Variants in NEDD4L observed in about 807,000 individuals in gnomAD.
NEDD4L encodes the protein NEDD4 like E3 ubiquitin protein ligase.
In NEDD4L, 54 loss-of-function variants were observed where a neutral mutation model predicts 148.9. That is an observed-to-expected ratio of 0.36 (90% CI 0.29 to 0.45). The LOEUF (loss-of-function observed/expected upper bound fraction) is 0.45, where lower values mean the gene tolerates loss of function less well. Ranked by LOEUF, NEDD4L falls within the 20% of genes least tolerant of loss-of-function variation. The probability of loss-of-function intolerance (pLI) is 1.00; values close to 1 mark genes in which losing one functional copy is unlikely to be tolerated. For missense variants in NEDD4L, 856 were observed against 1,233.8 expected (o/e 0.69, Z 4.59); for synonymous variants, 433 against 440.7 (o/e 0.98, Z 0.22).
intron 1 of NEDD4L, among the ~76,000 whole-genome samples, chr18:58,135,201 G>GATAA (rs1387234108): frequency 2.0e-5 from 3 of 152,132 alleles, no homozygotes; most frequent in Non-Finnish European, 2.9e-5. Context: ...ACGATGAATG[G>GATAA]ATAAATGAAT....
chr18:58,224,014 C>T (rs964213559), intron 2 of NEDD4L, among the ~76,000 whole-genome samples: 4 of 152,212 alleles, frequency 2.6e-5, no homozygotes, highest in Non-Finnish European at 5.9e-5. Flanking sequence ...ACAGGGGCCA[C>T]AGGGAGGACT....
intron 1 of NEDD4L, among the ~76,000 whole-genome samples, chr18:58,145,199 C>T (rs2146210308): frequency 6.6e-6 from 1 of 152,282 alleles, no homozygotes; most frequent in South Asian, 2.1e-4. Flanking sequence ...AGCTGGAAGC[C>T]AACTGGAAAG....
rs1157962944 is a variant in NEDD4L, at chr18:58,221,561, A to G, written c.123-23866A>G. The G allele has an allele frequency of 3.0e-6, 3 of 985,338 alleles. No homozygotes were observed. In the South Asian group the frequency reaches 1.4e-4, roughly 46 times the overall value. The allele number at this position is 985,338 out of a possible 1,614,324, so 61.0% of individuals were successfully genotyped here. On this transcript the variant is annotated intron_variant, in intron 2 of 30. Coordinates refer to ENST00000400345, the MANE Select transcript of NEDD4L (RefSeq NM_001144967.3). ...TCAGTATAAGTAGCGAGCTGGGCGC[A>G]TTCCTTCTCAGTTGTGTTAAAACTT...
At chr18:58,360,742 T>TTGTGTGTGTG (rs10665833) in intron 19 of NEDD4L, among the ~76,000 whole-genome samples, 73 of 146,082 alleles carry the variant, frequency 5.0e-4, no homozygotes, top group African/African-American at 1.4e-3. Flanking sequence ...AGTTTATAAT[T>TTGTGTGTGTG]TGTGTGTGTG....
chr18:58,340,639 A>G (rs1301645559), intron 13 of NEDD4L, among the ~76,000 whole-genome samples: 1 of 152,234 alleles, frequency 6.6e-6, no homozygotes, highest in Non-Finnish European at 1.5e-5. Context: ...GGAGAAACTC[A>G]GAGCATCCCT....
Position 58,055,377 on chromosome 18 carries a change from A to G in NEDD4L, c.48+10669A>G, listed in dbSNP as rs370503539. Among the ~76,000 whole-genome samples the G allele has an allele frequency of 6.7e-4, 102 of 152,322 alleles. 4 individuals are homozygous for G. In the South Asian group the frequency reaches 0.02, roughly 29 times the overall value. On this transcript the variant is annotated intron_variant, in intron 1 of 30. Transcript: ENST00000400345. ...TCTTTGAGCAAAGGGGATTATAGGT[A>G]ATTTTTTATTGTCTTGTGTTTTGCT...
chr18:58,370,543 TGTAGTCTCAGCCACTTTTATGG>T (rs758115920), intron 23 of NEDD4L, 76 bp downstream of exon 23: 28 of 958,882 alleles, frequency 2.9e-5, no homozygotes, highest in Non-Finnish European at 4.4e-5. Context: ...GAGCCATATT[TGTAGTCTCAGCCACTTTTATGG>T]GTGTTGCATT....
At chr18:58,185,645 G>A (rs1003840486) in intron 2 of NEDD4L, among the ~76,000 whole-genome samples, 12 of 152,240 alleles carry the variant, frequency 7.9e-5, no homozygotes, top group South Asian at 2.1e-4. Flanking sequence ...AGGCCTAGGC[G>A]GGTGGATCAC....
chr18:58,138,735 C>T (rs2033149401), intron 1 of NEDD4L, among the ~76,000 whole-genome samples: 1 of 152,160 alleles, frequency 6.6e-6, no homozygotes, highest in Admixed American at 6.5e-5. Flanking sequence ...TATATCCTTA[C>T]ATGATGAGAG....
At chr18:58,126,882 T>G (rs569528912) in intron 1 of NEDD4L, among the ~76,000 whole-genome samples, 27 of 152,354 alleles carry the variant, frequency 1.8e-4, no homozygotes, top group African/African-American at 6.3e-4. Flanking sequence ...ACTCTCACTC[T>G]GCCTTGGCAC....
intron 12 of NEDD4L, 44 bp from the exon 13 acceptor site, chr18:58,335,434 T>A: frequency 1.3e-6 from 2 of 1,527,978 alleles, no homozygotes; most frequent in Non-Finnish European, 1.8e-6. Flanking sequence ...CAGCAGGGGG[T>A]CATCCCCTAA....
rs1416521342 is a variant in NEDD4L at position 58,330,770 on chromosome 18, C to T, written c.846C>T (p.Ile282=). The T allele has an allele frequency of 4.3e-6, 7 of 1,609,856 alleles. No individual in the cohort carries two copies. The East Asian group carries it at 8.9e-5, about 21-fold the overall frequency. ...AGACCATTTCAGAGGAAGTGAATAT[C>T]GCTGGAGACTCTCTCGGTCTGGCTC... The part of the protein sequence containing the change: ...PWETISEEVN[I]AGDSLGLALP... Residue 282 remains isoleucine (I), a synonymous_variant, in exon 11 of 31, where the codon ATC becomes ATT. Coordinates refer to ENST00000400345, the MANE Select transcript of NEDD4L (RefSeq NM_001144967.3).
In NEDD4L at chr18:58,155,163, C is replaced by G. The variant is rs367735681; in HGVS notation, c.49-10625C>G. The stretch of plus-strand genomic sequence containing the variant: ...GTTTTCTTTTTCCTTTCAAAGTGTT[C>G]TGTTGAAAATAACCCATTTGTCATT... On this transcript the variant is annotated intron_variant, in intron 1 of 30. Coordinates refer to ENST00000400345, the MANE Select transcript of NEDD4L (RefSeq NM_001144967.3). Among the ~76,000 whole-genome samples the G allele has an allele frequency of 1.1e-4, 17 of 151,430 alleles. No individual in the cohort carries two copies. The East Asian group carries it at 2.9e-3, about 26-fold the overall frequency.
intron 21 of NEDD4L, 126 bp from the exon 22 acceptor site, chr18:58,367,620 A>G (rs1601761748): frequency 9.9e-7 from 1 of 1,009,414 alleles, no homozygotes; most frequent in African/African-American, 1.6e-5. Context: ...TAGCCCACAC[A>G]TTTTCCCACT....
At chr18:58,351,215 C>T in intron 18 of NEDD4L, 170 bp downstream of exon 18, 5 of 983,128 alleles carry the variant, frequency 5.1e-6, no homozygotes, top group Non-Finnish European at 4.8e-6. Flanking sequence ...GTGCATTCAC[C>T]CCAAGTTTGC....
intron 1 of NEDD4L, among the ~76,000 whole-genome samples, chr18:58,148,864 A>G (rs1344888910): frequency 1.2e-4 from 19 of 152,260 alleles, no homozygotes; most frequent in Non-Finnish European, 1.5e-5. Flanking sequence ...ATCTTTTCTT[A>G]GAAGAAAAGT....
chr18:58,308,552 C>G (rs1009410748), intron 5 of NEDD4L, among the ~76,000 whole-genome samples: 1 of 152,212 alleles, frequency 6.6e-6, no homozygotes, highest in Non-Finnish European at 1.5e-5. Context: ...TGTAACCAAG[C>G]ACATCTGGGT....
At chr18:58,393,314 A>G (rs923554273) in intron 30 of NEDD4L, among the ~76,000 whole-genome samples, 3 of 152,170 alleles carry the variant, frequency 2.0e-5, no homozygotes, top group African/African-American at 7.2e-5. Flanking sequence ...GCCTTAAAGA[A>G]ATCACTGATG....
Position 58,400,150 on chromosome 18 carries a change from T to G in NEDD4L, c.*3881T>G, listed in dbSNP as rs1602137024. 6.6e-6 allele frequency: 1 copy of G among 152,412 alleles called. No individual in the cohort carries two copies. Among genetic ancestry groups the G allele is most frequent in the Admixed American group, 6.5e-5 (1 of 15,300 alleles). 9.4% of individuals were successfully genotyped at this position (152,412 alleles called of 1,614,324 possible). ...GAGAGGTGGGAGGTGCTGTCTGGTA[T>G]CATTTGCTGCCTCGCCAGTAGAGGG... is the stretch of plus-strand genomic sequence containing the variant. On this transcript the variant is annotated 3_prime_UTR_variant, in exon 31 of 31. Transcript: ENST00000400345.
Sources: gnomAD v4.1 joint callset for allele counts (sites outside exome capture counted in the v4.1 genomes callset) on GRCh38, gnomAD v4.1.1 for gene constraint, MANE v1.5 for transcripts, NCBI Gene and HGNC (gene_info 2026-07-23, HGNC 2026-07-21) for gene names.